The following DISC1 variants were observed in gnomAD, a reference collection of about 807,000 sequenced individuals.
DISC1 encodes the protein DISC1 scaffold protein.
Under a neutral mutation model 84.5 loss-of-function variants are expected in DISC1, and 57 were observed. The ratio of observed to expected loss-of-function variants is 0.67; its 90% CI spans 0.55 to 0.84. The LOEUF is 0.84. DISC1 is among the 40% of genes least tolerant of loss of function. The pLI is 0.00. For missense variants in DISC1, 1,000 were observed against 1,057.8 expected, an observed-to-expected ratio of 0.95 and a Z score of 0.76; for synonymous variants, 411 against 415.2, an observed-to-expected ratio of 0.99 and a Z score of 0.12.
intron 10 of DISC1, among the ~76,000 whole-genome samples, chr1:231,979,319 C>G (rs1045631384): frequency 1.3e-5 from 2 of 151,984 alleles, no homozygotes; most frequent in Admixed American, 1.3e-4. Flanking sequence ...GAAACCATCC[C>G]TAACCCCCTT....
intron 9 of DISC1, among the ~76,000 whole-genome samples, chr1:231,908,687 T>C (rs1184819852): frequency 6.6e-6 from 1 of 152,144 alleles, no homozygotes; most frequent in African/African-American, 2.4e-5. Context: ...TTTAAAGTAG[T>C]TTTTTCCAGT....
Position 231,880,743 on chromosome 1 carries a change from G to C in DISC1, c.1981+62226G>C, listed in dbSNP as rs552356717. Among the ~76,000 whole-genome samples the C allele has an allele frequency of 2.6e-4, 21 of 80,850 alleles. No homozygotes were observed. The East Asian group carries it at 8.7e-3, about 33-fold the overall frequency. The allele number at this position is 80,850 out of a possible 152,430, so 53.0% of individuals were successfully genotyped here. The stretch of plus-strand genomic sequence containing the variant: ...TTGGAGTTTTTAAGGGGATCATGGA[G>C]AGCAAGGCAAGGTGGGGGGGGGGTG... On this transcript the variant is annotated intron_variant, in intron 9 of 12. Coordinates refer to ENST00000439617, the MANE Select transcript of DISC1 (RefSeq NM_018662.3).
In DISC1 at chr1:231,954,068, C is replaced by T. The variant is rs939712269; in HGVS notation, c.1982-4760C>T. Among the ~76,000 whole-genome samples, 4 of 152,218 alleles carry T rather than the reference C, an allele frequency of 2.6e-5. No individual in the cohort carries two copies. Among genetic ancestry groups the T allele is most frequent in the African/African-American group, 9.7e-5 (4 of 41,444 alleles). ...TTCCGTGTTGACATTCTTCTACCTT[C>T]CAACTTCCGTGTTTACACTGAAAAA... On this transcript the variant is annotated intron_variant, in intron 9 of 12. Transcript: ENST00000439617. This position sits in a 1 kb window ranked among gnomAD's most constrained non-coding sequence, Gnocchi z 4.8.
intron 2 of DISC1, among the ~76,000 whole-genome samples, chr1:231,701,116 A>C (rs2066362525): frequency 6.6e-6 from 1 of 152,172 alleles, no homozygotes; most frequent in African/African-American, 2.4e-5. Context: ...GAAGCCTCAC[A>C]ATCATGGTGG....
intron 6 of DISC1, among the ~76,000 whole-genome samples, chr1:231,775,134 G>A (rs868453474): frequency 2.0e-5 from 3 of 152,158 alleles, no homozygotes; most frequent in South Asian, 2.1e-4. Context: ...TCAACATCAC[G>A]ACTGTTATCA....
chr1:231,760,421 T>C (rs2075554749), intron 4 of DISC1, among the ~76,000 whole-genome samples: 1 of 152,118 alleles, frequency 6.6e-6, no homozygotes, highest in African/African-American at 2.4e-5. Flanking sequence ...GATAGGATAG[T>C]CATCAGTAGG....
intron 9 of DISC1, among the ~76,000 whole-genome samples, chr1:231,838,165 C>T (rs1001180192): frequency 7.2e-5 from 11 of 152,154 alleles, no homozygotes; most frequent in African/African-American, 2.4e-4. Flanking sequence ...GTTAATATTT[C>T]GTACTATTCA....
At chr1:231,976,319 G>T (rs1662789717) in intron 10 of DISC1, among the ~76,000 whole-genome samples, 1 of 152,144 alleles carries the variant, frequency 6.6e-6, no homozygotes. Context: ...CTCACTTTAA[G>T]CCCCGCTAGG....
intron 12 of DISC1, among the ~76,000 whole-genome samples, chr1:232,035,424 T>C (rs143742584): frequency 0.025 from 3,867 of 152,266 alleles, 70 homozygotes; most frequent in Non-Finnish European, 0.038. Flanking sequence ...CAGCCTGGGC[T>C]ACAAGTGCAA....
At chr1:231,757,101 A>G (rs1299833385) in intron 4 of DISC1, among the ~76,000 whole-genome samples, 1 of 152,208 alleles carries the variant, frequency 6.6e-6, no homozygotes, top group Non-Finnish European at 1.5e-5. Flanking sequence ...CTGTAGAAAT[A>G]AAATAGTTGT....
intron 4 of DISC1, among the ~76,000 whole-genome samples, chr1:231,764,597 AT>A (rs748221141): frequency 5.9e-5 from 9 of 152,152 alleles, no homozygotes; most frequent in Non-Finnish European, 1.3e-4. Flanking sequence ...GTGTGACCTA[AT>A]TTTAGTGGCT....
intron 1 of DISC1, among the ~76,000 whole-genome samples, chr1:231,648,550 A>G (rs1300723162): frequency 6.6e-6 from 1 of 152,176 alleles, no homozygotes; most frequent in Non-Finnish European, 1.5e-5. Context: ...AGGCTTTGGT[A>G]TCAGGATGAT....
At chr1:231,663,152 A>G (rs758345793) in intron 1 of DISC1, among the ~76,000 whole-genome samples, 2 of 152,214 alleles carry the variant, frequency 1.3e-5, no homozygotes, top group Non-Finnish European at 2.9e-5. Flanking sequence ...AATAGTAACA[A>G]AAAGAGAGCT....
intron 9 of DISC1, among the ~76,000 whole-genome samples, chr1:231,859,909 T>C (rs2084529184): frequency 6.6e-6 from 1 of 152,308 alleles, no homozygotes; most frequent in East Asian, 1.9e-4. Context: ...TTCCCATCCA[T>C]GTATTGTTCC....
intron 9 of DISC1, among the ~76,000 whole-genome samples, chr1:231,903,405 A>C (rs2088355446): frequency 6.6e-6 from 1 of 152,230 alleles, no homozygotes; most frequent in Non-Finnish European, 1.5e-5. Flanking sequence ...AAGAGCCTAT[A>C]AGACTGTAGA....
intron 9 of DISC1, chr1:231,926,035 A>G (rs569561357): frequency 1.3e-5 from 2 of 152,328 alleles, no homozygotes; most frequent in South Asian, 4.1e-4. Context: ...CTCACCCATA[A>G]TAAACACTCA....
intron 3 of DISC1, among the ~76,000 whole-genome samples, chr1:231,718,438 T>C (rs1281581127): frequency 2.3e-3 from 34 of 14,592 alleles, no homozygotes; most frequent in East Asian, 5.3e-3. Flanking sequence ...TTCTCTCTCT[T>C]TTTTTTTTTT....
chr1:231,883,704 C>T (rs1472851251), intron 9 of DISC1, among the ~76,000 whole-genome samples: 1 of 152,056 alleles, frequency 6.6e-6, no homozygotes, highest in Non-Finnish European at 1.5e-5. Context: ...GAGAGAAATT[C>T]AAGGTAAGGA....
chr1:232,027,168 C>T (rs563103612), intron 12 of DISC1, among the ~76,000 whole-genome samples: 1 of 152,316 alleles, frequency 6.6e-6, no homozygotes, highest in East Asian at 1.9e-4. Flanking sequence ...CTGTGTGGCC[C>T]TGGTGAAGGA....
Sources: gnomAD v4.1 joint callset for allele counts (sites outside exome capture counted in the v4.1 genomes callset) on GRCh38, gnomAD v4.1.1 for gene constraint, Gnocchi (gnomAD v3.1) non-coding constraint, MANE v1.5 for transcripts, NCBI Gene and HGNC (gene_info 2026-07-23, HGNC 2026-07-21) for gene names.